Variants in ZEB1 observed in about 807,000 individuals in gnomAD.
The protein encoded by ZEB1 is zinc finger E-box binding homeobox 1.
A neutral mutation model predicts 84.9 loss-of-function variants in ZEB1; 21 were observed. The ratio of observed to expected loss-of-function variants is 0.25; its 90% CI spans 0.18 to 0.36. The LOEUF is 0.36. ZEB1 is among the 10% of genes least tolerant of loss of function. ZEB1 has a pLI of 1.00. For missense variants in ZEB1, 1,104 were observed against 1,330.2 expected (o/e 0.83, Z 2.65); for synonymous variants, 420 against 471.1 (o/e 0.89, Z 1.41).
chr10:31,471,098 G>A lies in ZEB1; in HGVS notation c.259+9861G>A, dbSNP rs550473051. Among the ~76,000 whole-genome samples, 137 of 130,366 alleles carry A rather than the reference G, an allele frequency of 1.1e-3. 2 individuals carry two copies. Among genetic ancestry groups the A allele is most frequent in the South Asian group, 2.4e-3 (8 of 3,384 alleles). The allele number at this position is 130,366 out of a possible 152,430, so 85.5% of individuals were successfully genotyped here. On this transcript the variant is annotated intron_variant, in intron 2 of 8. Transcript: ENST00000424869. ...TGGAAAGGAACAACCGGTACCAGCC[G>A]CTGCAAAATCATGCCAAAATGTAAA...
intron 2 of ZEB1, among the ~76,000 whole-genome samples, chr10:31,473,941 G>C (rs372741002): frequency 1.3e-5 from 2 of 151,888 alleles, no homozygotes; most frequent in African/African-American, 4.8e-5. Flanking sequence ...ACAAACCTGA[G>C]AAAAACAAGC....
In ZEB1 at chr10:31,351,593, ACT is replaced by A. The variant is rs768206932; in HGVS notation, c.58+32304_58+32305del. On this transcript the variant is annotated intron_variant, in intron 1 of 8. Transcript: ENST00000424869. Reference sequence around the variant, plus strand: ...CTCTCTGCTGTTTAAATCATAAGAGACTCTTTTATTGGGTCAGGGCAATTGTC... The same window carrying A: ...CTCTCTGCTGTTTAAATCATAAGAGACTTTTATTGGGTCAGGGCAATTGTC... Among the ~76,000 whole-genome samples, 130 of 151,778 alleles carry A rather than the reference ACT, an allele frequency of 8.6e-4. 2 individuals are homozygous for A. The highest frequency in any genetic ancestry group is 2.5e-4 in the Non-Finnish European group (17 of 67,898).
intron 1 of ZEB1, among the ~76,000 whole-genome samples, chr10:31,458,434 T>C (rs1030298828): frequency 6.6e-6 from 1 of 151,442 alleles, no homozygotes; most frequent in African/African-American, 2.4e-5. Context: ...AAGCTTATAG[T>C]CAGCTGTGAA....
chr10:31,506,192 GTC>G (rs1191707510), intron 4 of ZEB1, among the ~76,000 whole-genome samples: 1 of 151,998 alleles, frequency 6.6e-6, no homozygotes, highest in African/African-American at 2.4e-5. Flanking sequence ...CCAACATACA[GTC>G]TATCCTAGAG....
At chr10:31,424,155 G>C (rs145576841) in intron 1 of ZEB1, among the ~76,000 whole-genome samples, 2 of 151,768 alleles carry the variant, frequency 1.3e-5, no homozygotes, top group South Asian at 4.1e-4. Flanking sequence ...ATGTGTTTAC[G>C]TAAATTCACT....
rs750875462 is a variant in ZEB1, at chr10:31,526,724, T to C, written c.2838T>C (p.His946=). The change falls in exon 9 of 9, where the codon CAT becomes CAC. Residue 946 remains histidine (H), a synonymous_variant. Transcript: ENST00000424869. Reference sequence around the variant, plus strand: ...GTAAAAAGGCATTTAAACACAAACATCATTTGATTGAACACATGCGATTAC... The same window carrying C: ...GTAAAAAGGCATTTAAACACAAACACCATTTGATTGAACACATGCGATTAC... The part of the protein sequence containing the change: ...GICKKAFKHK[H]HLIEHMRLHS... 62 of 1,613,934 alleles carry C rather than the reference T, an allele frequency of 3.8e-5. No individual in the cohort carries two copies. The highest frequency in any genetic ancestry group is 4.7e-5 in the Non-Finnish European group (55 of 1,180,004).
At position 31,520,056 on chromosome 10, in the gene ZEB1, G is replaced by A; in HGVS notation, c.794-70G>A. Reference sequence around the variant, plus strand: ...TTAAAATTGATACCGCTTGTTTTAGGGAAATGAGGATACATAAAAATTTAT... The same window carrying A: ...TTAAAATTGATACCGCTTGTTTTAGAGAAATGAGGATACATAAAAATTTAT... On this transcript the variant is annotated intron_variant, in intron 6 of 8. Transcript: ENST00000424869. This position sits in a 1 kb window ranked among gnomAD's most constrained non-coding sequence, Gnocchi z 5.1. 2 of 1,562,810 alleles carry A rather than the reference G, an allele frequency of 1.3e-6. No individual in the cohort carries two copies. Among genetic ancestry groups the A allele is most frequent in the Non-Finnish European group, 1.7e-6 (2 of 1,155,220 alleles).
At chr10:31,386,369 T>C (rs1396071312) in intron 1 of ZEB1, among the ~76,000 whole-genome samples, 1 of 151,744 alleles carries the variant, frequency 6.6e-6, no homozygotes, top group Non-Finnish European at 1.5e-5. Context: ...TAATTAAACA[T>C]CTATATTAGT....
At chr10:31,388,612 T>C (rs2049060581) in intron 1 of ZEB1, among the ~76,000 whole-genome samples, 1 of 152,144 alleles carries the variant, frequency 6.6e-6, no homozygotes, top group Non-Finnish European at 1.5e-5. Flanking sequence ...GTCTTGGTTA[T>C]TATAACTGCA....
At chr10:31,364,321 G>A (rs1356141235) in intron 1 of ZEB1, among the ~76,000 whole-genome samples, 1 of 152,170 alleles carries the variant, frequency 6.6e-6, no homozygotes, top group Admixed American at 6.5e-5. Context: ...CAAGTGTGTG[G>A]CCCTGGATGG....
chr10:31,321,639 T>A, intron 1 of ZEB1: 2 of 1,503,532 alleles, frequency 1.3e-6, no homozygotes, highest in Non-Finnish European at 1.9e-6. Context: ...GACATGTGAG[T>A]CTGAACCACC....
At chr10:31,405,646 T>G (rs1056108275) in intron 1 of ZEB1, among the ~76,000 whole-genome samples, 1 of 152,168 alleles carries the variant, frequency 6.6e-6, no homozygotes, top group African/African-American at 2.4e-5. Flanking sequence ...TTACTAGTTT[T>G]ATTTGATAGC....
chr10:31,356,428 CTT>C (rs1032677570), intron 1 of ZEB1, among the ~76,000 whole-genome samples: 5 of 151,952 alleles, frequency 3.3e-5, no homozygotes, highest in Non-Finnish European at 7.4e-5. Flanking sequence ...GAAGGTGACT[CTT>C]TAGGATTTTC....
At chr10:31,322,544 C>T (rs1315919463) in intron 1 of ZEB1, among the ~76,000 whole-genome samples, 1 of 152,144 alleles carries the variant, frequency 6.6e-6, no homozygotes, top group Non-Finnish European at 1.5e-5. Context: ...GGTAATGTAA[C>T]TGACAGGGGT....
At chr10:31,357,947 AAG>A (rs2042375268) in intron 1 of ZEB1, among the ~76,000 whole-genome samples, 1 of 152,148 alleles carries the variant, frequency 6.6e-6, no homozygotes, top group African/African-American at 2.4e-5. Flanking sequence ...TTCAGATCCA[AAG>A]AGAGAAATAA....
intron 7 of ZEB1, among the ~76,000 whole-genome samples, chr10:31,522,925 T>C (rs1315213613): frequency 6.6e-6 from 1 of 152,218 alleles, no homozygotes; most frequent in Admixed American, 6.5e-5. Flanking sequence ...AAATTTTTAG[T>C]GTACAGAACA....
rs1431720944 is a variant in ZEB1 at position 31,495,784 on chromosome 10, G to A, written c.268G>A (p.Glu90Lys). The A allele has an allele frequency of 1.2e-6, 2 of 1,612,860 alleles. No individual in the cohort carries two copies. The highest frequency in any genetic ancestry group is 1.1e-5 in the South Asian group (1 of 91,056). ...KNCWEDDTGK[E>K]GQEILGPEAQ... ...TTCTTCTTTGATTTCAGCAGGAAAG[G>A]AAGGGCAAGAAATCCTGGGGCCTGA... The change falls in exon 3 of 9, where the codon GAA becomes AAA. Residue 90 changes from glutamate to lysine, a missense_variant. Glu to Lys is a moderately conservative substitution (Grantham distance 56, BLOSUM62 1). This residue lies in a region of ZEB1 where 162 missense variants were observed against 184.5 expected (regional missense o/e 0.88). Transcript: ENST00000424869.
Position 31,503,009 on chromosome 10 carries a change from C to T in ZEB1, c.484+500C>T, listed in dbSNP as rs180938121. Among the ~76,000 whole-genome samples, 3 of 152,138 alleles carry T rather than the reference C, an allele frequency of 2.0e-5. No homozygotes were observed. In the East Asian group the frequency reaches 5.8e-4, roughly 29 times the overall value. ...TCAGACTCTCCTGAGAAGAAATAGG[C>T]TGTGATACAGTTTGGGAGGAAAAGA... is the stretch of plus-strand genomic sequence containing the variant. On this transcript the variant is annotated intron_variant, in intron 4 of 8. Transcript: ENST00000424869.
chr10:31,346,272 T>G (rs2040295197), intron 1 of ZEB1, among the ~76,000 whole-genome samples: 2 of 152,166 alleles, frequency 1.3e-5, no homozygotes, highest in African/African-American at 4.8e-5. Context: ...CTTGCTAACT[T>G]GGATGTTTCA....
Sources: gnomAD v4.1 joint callset for allele counts (sites outside exome capture counted in the v4.1 genomes callset) on GRCh38, gnomAD v4.1.1 for gene constraint, gnomAD v4.1.1 regional missense constraint, Gnocchi (gnomAD v3.1) non-coding constraint, MANE v1.5 for transcripts, NCBI Gene and HGNC (gene_info 2026-07-23, HGNC 2026-07-21) for gene names.